The following ELMO1 variants were observed in gnomAD, a reference collection of about 807,000 sequenced individuals.
ELMO1 encodes the protein engulfment and cell motility 1.
In ELMO1, 26 loss-of-function variants were observed where a neutral mutation model predicts 98.9. The ratio of observed to expected loss-of-function variants is 0.26; its 90% confidence interval spans 0.19 to 0.36. The LOEUF (loss-of-function observed/expected upper bound fraction) is 0.36. Among genes scored for constraint, ELMO1 ranks in the 10% least tolerant of loss-of-function variants. The pLI is 1.00. For synonymous variants in ELMO1, 346 were observed against 346.0 expected (o/e 1.00, Z 0.00); for missense variants, 627 against 935.2 (o/e 0.67, Z 4.30).
intron 1 of ELMO1, among the ~76,000 whole-genome samples, chr7:37,388,357 T>C (rs1275001499): frequency 1.3e-5 from 2 of 152,114 alleles, no homozygotes; most frequent in African/African-American, 2.4e-5. Flanking sequence ...TACTGCATTT[T>C]TTTGTACAGT....
chr7:37,354,503 T>C (rs1190599939), intron 1 of ELMO1, among the ~76,000 whole-genome samples: 1 of 152,322 alleles, frequency 6.6e-6, no homozygotes, highest in East Asian at 1.9e-4. Context: ...AGATGAGACC[T>C]GAGCTGAGCC....
intron 16 of ELMO1, among the ~76,000 whole-genome samples, chr7:36,990,187 C>T (rs1260586070): frequency 6.6e-6 from 1 of 152,074 alleles, no homozygotes; most frequent in African/African-American, 2.4e-5. Context: ...ACTGGGTGCT[C>T]TATTTAGTTA....
intron 1 of ELMO1, among the ~76,000 whole-genome samples, chr7:37,443,558 A>C (rs1356020937): frequency 6.6e-6 from 1 of 152,224 alleles, no homozygotes; most frequent in Non-Finnish European, 1.5e-5. Flanking sequence ...CCAATGACCA[A>C]ATTCTGCTCG....
At chr7:37,221,451 A>T (rs1382097445) in intron 10 of ELMO1, among the ~76,000 whole-genome samples, 1 of 152,194 alleles carries the variant, frequency 6.6e-6, no homozygotes, top group Admixed American at 6.5e-5. Context: ...AAGAGCTCAT[A>T]TTCCCACCCA....
At chr7:37,207,546 G>A (rs1792707681) in intron 13 of ELMO1, among the ~76,000 whole-genome samples, 1 of 152,056 alleles carries the variant, frequency 6.6e-6, no homozygotes, top group Non-Finnish European at 1.5e-5. Flanking sequence ...GCGAGACTCT[G>A]TCTCAAAAAA....
At chr7:37,017,093 T>A (rs911260233) in intron 15 of ELMO1, among the ~76,000 whole-genome samples, 6 of 152,324 alleles carry the variant, frequency 3.9e-5, no homozygotes, top group African/African-American at 1.4e-4. Flanking sequence ...CTACTACTTG[T>A]GGCTTACATG....
chr7:37,381,024 A>G (rs755210806), intron 1 of ELMO1, among the ~76,000 whole-genome samples: 4 of 152,260 alleles, frequency 2.6e-5, no homozygotes, highest in Admixed American at 6.5e-5. Context: ...TGTTTACAGT[A>G]TGAGACATGA....
At chr7:37,423,477 G>A (rs1183973239) in intron 1 of ELMO1, among the ~76,000 whole-genome samples, 2 of 152,218 alleles carry the variant, frequency 1.3e-5, no homozygotes, top group Non-Finnish European at 2.9e-5. Context: ...CTATTCGGGA[G>A]GCTGAGGCAG....
rs184821698 is a variant in ELMO1 at position 37,331,298 on chromosome 7, T to C, written c.78+11315A>G. ...CATTCTCCTGCCTCAGCCTCCCGAGTAGCTGGGACTACAGGCGCCAGCCGC... is the reference window on the plus strand; with the variant it reads ...CATTCTCCTGCCTCAGCCTCCCGAGCAGCTGGGACTACAGGCGCCAGCCGC... On this transcript the variant is annotated intron_variant, in intron 2 of 21. Transcript: ENST00000310758. 2.7e-5 allele frequency among the ~76,000 whole-genome samples: 4 copies of C among 148,528 alleles called. No individual in the cohort carries two copies. In the East Asian group the frequency reaches 7.9e-4, roughly 29 times the overall value.
chr7:37,423,982 G>T (rs1158441444), intron 1 of ELMO1, among the ~76,000 whole-genome samples: 1 of 152,114 alleles, frequency 6.6e-6, no homozygotes, highest in Non-Finnish European at 1.5e-5. Context: ...GGCTACGCTG[G>T]GTGGTCATCC....
chr7:37,238,412 C>A (rs75716255), intron 7 of ELMO1, among the ~76,000 whole-genome samples: 1 of 152,010 alleles, frequency 6.6e-6, no homozygotes, highest in African/African-American at 2.4e-5. Context: ...GACATTGTAT[C>A]CTGAAACCTT....
intron 15 of ELMO1, among the ~76,000 whole-genome samples, chr7:37,042,090 A>G (rs1424788059): frequency 1.3e-5 from 2 of 150,708 alleles, no homozygotes; most frequent in Admixed American, 1.3e-4. Flanking sequence ...TTTGAGACCA[A>G]CCTGGGCACA....
chr7:37,135,259 G>A (rs994130670), intron 13 of ELMO1, among the ~76,000 whole-genome samples: 3 of 152,186 alleles, frequency 2.0e-5, no homozygotes, highest in Admixed American at 1.3e-4. Context: ...TGGTGGATAG[G>A]AGGAAGGACT....
At chr7:37,105,653 C>A (rs1784902483) in intron 14 of ELMO1, among the ~76,000 whole-genome samples, 1 of 152,196 alleles carries the variant, frequency 6.6e-6, no homozygotes, top group Non-Finnish European at 1.5e-5. Flanking sequence ...ACTGTGGGAA[C>A]CACTGACTTA....
At chr7:37,335,832 C>G (rs1800372174) in intron 2 of ELMO1, among the ~76,000 whole-genome samples, 1 of 152,190 alleles carries the variant, frequency 6.6e-6, no homozygotes, top group Admixed American at 6.5e-5. Flanking sequence ...GATGGATCCC[C>G]TCGCCTGATG....
chr7:37,336,101 C>T (rs1021382401), intron 2 of ELMO1, among the ~76,000 whole-genome samples: 3 of 134,718 alleles, frequency 2.2e-5, no homozygotes, highest in African/African-American at 9.1e-5. Flanking sequence ...GTGGTGCACA[C>T]CTGTAATCTC....
At chr7:37,280,428 G>A (rs959313994) in intron 4 of ELMO1, among the ~76,000 whole-genome samples, 2 of 151,940 alleles carry the variant, frequency 1.3e-5, no homozygotes, top group African/African-American at 4.8e-5. Context: ...CCACAGAGTG[G>A]GAGAAAATCT....
At chr7:36,983,823 C>T (rs1299629582) in intron 16 of ELMO1, among the ~76,000 whole-genome samples, 1 of 152,096 alleles carries the variant, frequency 6.6e-6, no homozygotes, top group African/African-American at 2.4e-5. Context: ...TCTTGCTTTA[C>T]CCTAAAATGC....
rs1039097257 is a variant in ELMO1 at position 37,003,675 on chromosome 7, T to C, written c.1437+9624A>G. ...ACCAATGTAAATTAGAGGTTGAATA[T>C]GCATATGAAGTTGAATATGCATGTT... On this transcript the variant is annotated intron_variant, in intron 16 of 21. Coordinates refer to ENST00000310758, the MANE Select transcript of ELMO1 (RefSeq NM_014800.11). Among the ~76,000 whole-genome samples the C allele has an allele frequency of 5.3e-5, 8 of 152,228 alleles. No individual in the cohort carries two copies. The East Asian group carries it at 5.8e-4, about 11-fold the overall frequency.
Sources: allele counts gnomAD v4.1 joint callset (sites outside exome capture counted in the v4.1 genomes callset), GRCh38; gene constraint gnomAD v4.1.1; transcripts MANE v1.5; gene names NCBI Gene and HGNC (gene_info 2026-07-23, HGNC 2026-07-21).